Variants in GCNT1 observed in about 807,000 individuals in gnomAD.
GCNT1 encodes the protein glucosaminyl (N-acetyl) transferase 1, also known as beta-1,3-galactosyl-O-glycosyl-glycoprotein beta-1,6-N-acetylglucosaminyltransferase.
A neutral mutation model predicts 26.2 loss-of-function variants in GCNT1; 16 were observed. The observed-to-expected ratio is 0.61, with a 90% CI of 0.41 to 0.93. GCNT1 has a LOEUF of 0.93. Among genes scored for constraint, GCNT1 ranks in the 40% least tolerant of loss-of-function variants. GCNT1 has a pLI of 0.00. For synonymous variants in GCNT1, 183 were observed against 190.8 expected (o/e 0.96, Z 0.34); for missense variants, 477 against 526.7 (o/e 0.91, Z 0.92).
At chr9:76,411,549 G>A in the GCNT1 span, among the ~76,000 whole-genome samples, 1 of 151,524 alleles carries the variant, frequency 6.6e-6, no homozygotes, top group Non-Finnish European at 1.5e-5. Context: ...GGCTGGTCTT[G>A]AAATCCTGGG....
chr9:76,473,188 T>C (rs1321254063), intron 2 of GCNT1, among the ~76,000 whole-genome samples: 1 of 152,238 alleles, frequency 6.6e-6, no homozygotes, highest in Non-Finnish European at 1.5e-5. Context: ...CTTTCAGCTC[T>C]ACAATGGATG....
chr9:76,395,375 GTC>G, the GCNT1 span, among the ~76,000 whole-genome samples: 1 of 151,970 alleles, frequency 6.6e-6, no homozygotes, highest in African/African-American at 2.4e-5. Context: ...AGACCGTGTA[GTC>G]TCTTTCTACC....
chr9:76,444,410 C>A (rs1823539637), intron 1 of GCNT1, among the ~76,000 whole-genome samples: 1 of 151,864 alleles, frequency 6.6e-6, no homozygotes, highest in African/African-American at 2.4e-5. Context: ...GGTTAAGAGG[C>A]CTGGGGGAAG....
At chr9:76,393,990 G>A in the GCNT1 span, 4 of 1,107,354 alleles carry the variant, frequency 3.6e-6, no homozygotes, top group Non-Finnish European at 3.9e-6. Context: ...CTCTGCCCGC[G>A]GTCCGGAGGC....
intron 2 of GCNT1, among the ~76,000 whole-genome samples, chr9:76,469,707 C>T (rs529298499): frequency 1.3e-5 from 2 of 152,308 alleles, no homozygotes; most frequent in South Asian, 4.1e-4. Flanking sequence ...GCGAGGCGCC[C>T]ATTGCCGCTC....
chr9:76,407,467 T>G, the GCNT1 span, among the ~76,000 whole-genome samples: 15 of 152,318 alleles, frequency 9.8e-5, no homozygotes, highest in East Asian at 2.5e-3. Flanking sequence ...ATTGATCTAT[T>G]TGTCCACTTT....
intron 1 of GCNT1, among the ~76,000 whole-genome samples, chr9:76,434,345 G>T (rs1255534250): frequency 6.6e-6 from 1 of 152,188 alleles, no homozygotes; most frequent in Non-Finnish European, 1.5e-5. Flanking sequence ...ATTGTGGGAA[G>T]TCAGGGACCC....
At chr9:76,484,319 A>C (rs1475051781) in intron 2 of GCNT1, among the ~76,000 whole-genome samples, 1 of 151,986 alleles carries the variant, frequency 6.6e-6, no homozygotes, top group Non-Finnish European at 1.5e-5. Flanking sequence ...GCAGTGAGCC[A>C]AGATAATGAC....
intron 2 of GCNT1, among the ~76,000 whole-genome samples, chr9:76,485,128 C>G (rs1483682210): frequency 6.6e-6 from 1 of 151,850 alleles, no homozygotes; most frequent in Non-Finnish European, 1.5e-5. Context: ...ATATTTTACT[C>G]ACTTGTACTC....
At chr9:76,462,693 TC>T (rs1823899796) in intron 2 of GCNT1, among the ~76,000 whole-genome samples, 1 of 152,242 alleles carries the variant, frequency 6.6e-6, no homozygotes. Context: ...TTGAAACTCT[TC>T]AGGACTAGAG....
the GCNT1 span, among the ~76,000 whole-genome samples, chr9:76,399,874 A>G: frequency 6.6e-6 from 1 of 152,226 alleles, no homozygotes. Flanking sequence ...GTATATCCAT[A>G]TAATGCCATA....
chr9:76,498,614 A>C (rs58665161), intron 2 of GCNT1, among the ~76,000 whole-genome samples: 45,520 of 151,890 alleles, frequency 0.3, 8,132 homozygotes, highest in East Asian at 0.61. Context: ...CTCTACTAAA[A>C]ATATAGAAAT....
At position 76,465,981 on chromosome 9, in the gene GCNT1, G is replaced by A. The variant is rs994541413; in HGVS notation, c.-290+5804G>A. Among the ~76,000 whole-genome samples, 8 of 152,304 alleles carry A rather than the reference G, an allele frequency of 5.3e-5. No homozygotes were observed. The East Asian group carries it at 1.5e-3, about 29-fold the overall frequency. ...GCCTTTTTGGATGTGTGTTTTGTTT[G>A]TGAGACATCCAAGTAAAGATGAGGA... On this transcript the variant is annotated intron_variant, in intron 2 of 3. Coordinates refer to ENST00000376730, the MANE Select transcript of GCNT1 (RefSeq NM_001490.5).
chr9:76,410,887 A>G, the GCNT1 span, among the ~76,000 whole-genome samples: 1 of 152,228 alleles, frequency 6.6e-6, no homozygotes, highest in African/African-American at 2.4e-5. Context: ...GCACATATAC[A>G]CTATGGATTG....
the GCNT1 span, among the ~76,000 whole-genome samples, chr9:76,395,758 T>C: frequency 6.6e-6 from 1 of 152,150 alleles, no homozygotes; most frequent in Non-Finnish European, 1.5e-5. Context: ...ATAACGATAA[T>C]AGTAATACCG....
chr9:76,423,999 G>T (rs1437939537), intron 1 of GCNT1, among the ~76,000 whole-genome samples: 1 of 152,170 alleles, frequency 6.6e-6, no homozygotes, highest in Non-Finnish European at 1.5e-5. Context: ...TTCAGCACTA[G>T]ATGCTAGAGA....
At position 76,426,712 on chromosome 9, in the gene GCNT1, A is replaced by G. The variant is rs555005983; in HGVS notation, n.38+6825A>G. On this transcript the variant is annotated intron_variant and non_coding_transcript_variant, in intron 1 of 3. Coordinates refer to the GCNT1 transcript ENST00000488136. The stretch of plus-strand genomic sequence containing the variant: ...GGAGTTTGAGACCAGCCTGGCCAAC[A>G]TAGCAAAACCCCGTCTCTATTAAAA... Among the ~76,000 whole-genome samples the G allele has an allele frequency of 1.6e-3, 251 of 152,280 alleles. 1 individual carries two copies. Among genetic ancestry groups the G allele is most frequent in the African/African-American group, 5.8e-3 (243 of 41,570 alleles).
chr9:76,493,830 A>G (rs1824820240), intron 2 of GCNT1, among the ~76,000 whole-genome samples: 1 of 152,192 alleles, frequency 6.6e-6, no homozygotes, highest in South Asian at 2.1e-4. Context: ...TCCCTTTTAC[A>G]GAAAATGTCA....
intron 2 of GCNT1, among the ~76,000 whole-genome samples, chr9:76,469,490 AC>A (rs1824081237): frequency 6.6e-6 from 1 of 152,188 alleles, no homozygotes. Context: ...AGCAACGGCT[AC>A]CCTCTTTGGG....
Sources: gnomAD v4.1 joint callset for allele counts (sites outside exome capture counted in the v4.1 genomes callset) on GRCh38, gnomAD v4.1.1 for gene constraint, MANE v1.5 for transcripts, NCBI Gene and HGNC (gene_info 2026-07-23, HGNC 2026-07-21) for gene names.